Variants in RBMS3 observed in about 807,000 individuals in gnomAD.
RBMS3 encodes the protein RNA binding motif single stranded interacting protein 3.
Under a neutral mutation model 66.8 loss-of-function variants are expected in RBMS3, and 27 were observed. The observed-to-expected ratio is 0.40, with a 90% CI of 0.30 to 0.56. The LOEUF is 0.56. Among genes scored for constraint, RBMS3 ranks in the 20% least tolerant of loss-of-function variants. The pLI, the probability that RBMS3 is intolerant of heterozygous loss-of-function variation, is 0.40. For synonymous variants in RBMS3, 188 were observed against 183.0 expected, an observed-to-expected ratio of 1.03 and a Z score of -0.22; for missense variants, 513 against 549.5, an observed-to-expected ratio of 0.93 and a Z score of 0.66.
At chr3:29,416,896 A>G (rs2040499197) in intron 1 of RBMS3, among the ~76,000 whole-genome samples, 1 of 152,140 alleles carries the variant, frequency 6.6e-6, no homozygotes, top group Admixed American at 6.5e-5. Flanking sequence ...CCTTCCTACC[A>G]TTCTTACCTT....
intron 6 of RBMS3, among the ~76,000 whole-genome samples, chr3:29,847,719 G>A (rs1023470998): frequency 4.4e-4 from 66 of 151,676 alleles, no homozygotes; most frequent in Admixed American, 4.1e-3. Context: ...GCAGTGGCGC[G>A]ATCTCGGCTC....
At chr3:29,895,587 T>C (rs1484958774) in intron 8 of RBMS3, among the ~76,000 whole-genome samples, 3 of 151,556 alleles carry the variant, frequency 2.0e-5, no homozygotes, top group Non-Finnish European at 3.0e-5. Context: ...TTCTTTTTAT[T>C]GCTAAGTTGT....
rs548251618 is a variant in RBMS3, at chr3:29,455,596, T to C, written c.248+20681T>C. On this transcript the variant is annotated intron_variant, in intron 2 of 14. Coordinates refer to ENST00000383767, the MANE Select transcript of RBMS3 (RefSeq NM_001003793.3). ...TACTTAATAGATATTGTTAATTCAT[T>C]GACATTTGTCAATCAAATCAAAATT... 3.9e-5 allele frequency among the ~76,000 whole-genome samples: 6 copies of C among 152,294 alleles called. No individual in the cohort carries two copies. The East Asian group carries it at 1.2e-3, about 29-fold the overall frequency.
chr3:29,830,607 C>G (rs1156867353), intron 6 of RBMS3, among the ~76,000 whole-genome samples: 1 of 152,054 alleles, frequency 6.6e-6, no homozygotes. Context: ...TAGAGACTTT[C>G]CGTTGATGAT....
At chr3:29,626,800 T>C (rs2049079086) in intron 4 of RBMS3, among the ~76,000 whole-genome samples, 1 of 152,108 alleles carries the variant, frequency 6.6e-6, no homozygotes, top group Non-Finnish European at 1.5e-5. Flanking sequence ...AAACAAGAAG[T>C]CCTGATATCT....
intron 2 of RBMS3, 22 bp downstream of exon 2, chr3:29,434,937 G>A (rs3773018): frequency 0.41 from 655,076 of 1,598,682 alleles, 135,473 homozygotes; most frequent in South Asian, 0.49. Flanking sequence ...TCTGCTGCCC[G>A]TGCTGTTTCT....
At chr3:29,732,044 T>C (rs1429234903) in intron 4 of RBMS3, among the ~76,000 whole-genome samples, 1 of 151,918 alleles carries the variant, frequency 6.6e-6, no homozygotes, top group Non-Finnish European at 1.5e-5. Context: ...CTCCTCCCTC[T>C]CTGCCTTCCT....
At chr3:29,793,045 C>T (rs1282538514) in intron 6 of RBMS3, among the ~76,000 whole-genome samples, 1 of 152,058 alleles carries the variant, frequency 6.6e-6, no homozygotes, top group Non-Finnish European at 1.5e-5. Context: ...CAAGAGCAGT[C>T]TGGCCAATGT....
intron 6 of RBMS3, among the ~76,000 whole-genome samples, chr3:29,806,850 G>A (rs1319496959): frequency 2.0e-5 from 3 of 151,788 alleles, no homozygotes; most frequent in Admixed American, 6.6e-5. Context: ...TGCTTTTAAC[G>A]TCTATTACTT....
chr3:29,606,674 G>A (rs73046596), intron 4 of RBMS3, among the ~76,000 whole-genome samples: 38,929 of 151,230 alleles, frequency 0.26, 5,166 homozygotes, highest in East Asian at 0.36. Flanking sequence ...GTGGACATGG[G>A]AAAAAAAACA....
intron 12 of RBMS3, among the ~76,000 whole-genome samples, chr3:29,946,071 A>T (rs752345933): frequency 1.3e-4 from 19 of 151,760 alleles, no homozygotes; most frequent in Non-Finnish European, 2.1e-4. Flanking sequence ...ATTTTGGGAG[A>T]TTTCACAGTT....
chr3:29,320,249 C>T (rs1251594614), intron 1 of RBMS3, among the ~76,000 whole-genome samples: 8 of 151,934 alleles, frequency 5.3e-5, no homozygotes, highest in Non-Finnish European at 8.8e-5. Flanking sequence ...TATGAAGGAA[C>T]GGAGGTTCTA....
At chr3:29,760,903 T>C (rs2055654671) in intron 5 of RBMS3, among the ~76,000 whole-genome samples, 1 of 152,162 alleles carries the variant, frequency 6.6e-6, no homozygotes, top group Non-Finnish European at 1.5e-5. Flanking sequence ...GTTTTCTTTT[T>C]ATTTGGACAT....
chr3:29,880,897 G>A, intron 7 of RBMS3: 2 of 1,388,786 alleles, frequency 1.4e-6, no homozygotes, highest in Non-Finnish European at 2.0e-6. Flanking sequence ...CCTCTCCCAA[G>A]GTACCTACTC....
At chr3:29,737,728 A>G (rs2054444626) in intron 4 of RBMS3, among the ~76,000 whole-genome samples, 1 of 152,106 alleles carries the variant, frequency 6.6e-6, no homozygotes, top group Non-Finnish European at 1.5e-5. Context: ...AAACAAAAAC[A>G]AGATCAAAAC....
chr3:29,965,940 A>G (rs1696814905), intron 12 of RBMS3, among the ~76,000 whole-genome samples: 1 of 152,120 alleles, frequency 6.6e-6, no homozygotes. Flanking sequence ...TCATTCTCCT[A>G]CATGTGGCTA....
intron 6 of RBMS3, among the ~76,000 whole-genome samples, chr3:29,832,509 G>C (rs1428249102): frequency 7.2e-6 from 1 of 139,644 alleles, no homozygotes; most frequent in Non-Finnish European, 1.6e-5. Context: ...AATAAGAACG[G>C]TTTCACTTTA....
chr3:29,463,190 T>C (rs2042425266), intron 2 of RBMS3, among the ~76,000 whole-genome samples: 1 of 152,316 alleles, frequency 6.6e-6, no homozygotes, highest in Admixed American at 6.5e-5. Flanking sequence ...CACATATTTG[T>C]TAACATTTAA....
intron 10 of RBMS3, among the ~76,000 whole-genome samples, chr3:29,931,511 G>T (rs145737216): frequency 6.6e-6 from 1 of 152,140 alleles, no homozygotes; most frequent in Non-Finnish European, 1.5e-5. Context: ...GCACTACTAC[G>T]TTGGTTGGAA....
Sources: gnomAD v4.1 joint callset for allele counts (sites outside exome capture counted in the v4.1 genomes callset) on GRCh38, gnomAD v4.1.1 for gene constraint, MANE v1.5 for transcripts, NCBI Gene and HGNC (gene_info 2026-07-23, HGNC 2026-07-21) for gene names.